DOCK5: variants seen among roughly 807,000 people sequenced by gnomAD.
DOCK5 encodes the protein dedicator of cytokinesis 5, also known as dedicator of cytokinesis protein 5.
DOCK5 carries 142 observed loss-of-function variants against 251.8 expected under a neutral mutation model. The ratio of observed to expected loss-of-function variants is 0.56; its 90% CI spans 0.49 to 0.65. DOCK5 has a LOEUF of 0.65. Among genes scored for constraint, DOCK5 ranks in the 30% least tolerant of loss-of-function variants. The probability of loss-of-function intolerance (pLI) is 0.00; values close to 1 mark genes in which losing one functional copy is unlikely to be tolerated. For missense variants in DOCK5, 2,111 were observed against 2,312.3 expected (o/e 0.91, Z 1.79); for synonymous variants, 842 against 835.5 (o/e 1.01, Z -0.13).
intron 26 of DOCK5, among the ~76,000 whole-genome samples, chr8:25,350,287 C>T (rs116555508): frequency 0.013 from 2,017 of 151,992 alleles, 49 homozygotes; most frequent in African/African-American, 0.046. Flanking sequence ...AAGCATTAAG[C>T]AGGAGTTTCA....
intron 47 of DOCK5, among the ~76,000 whole-genome samples, chr8:25,403,030 C>T (rs535724371): frequency 2.6e-5 from 4 of 152,258 alleles, no homozygotes; most frequent in African/African-American, 9.6e-5. Context: ...ATTTAATGAG[C>T]TTAGTCATTA....
At chr8:25,230,291 A>G (rs1318609750) in intron 1 of DOCK5, among the ~76,000 whole-genome samples, 1 of 152,144 alleles carries the variant, frequency 6.6e-6, no homozygotes, top group Non-Finnish European at 1.5e-5. Flanking sequence ...ACAAACACAC[A>G]TTCTTGGGCT....
At chr8:25,339,239 C>T (rs1805890165) in intron 22 of DOCK5, among the ~76,000 whole-genome samples, 2 of 152,244 alleles carry the variant, frequency 1.3e-5, no homozygotes, top group South Asian at 4.1e-4. Flanking sequence ...GGCTGGATTT[C>T]ACCTCAATCA....
At chr8:25,240,219 T>C (rs961178138) in intron 1 of DOCK5, among the ~76,000 whole-genome samples, 1 of 152,060 alleles carries the variant, frequency 6.6e-6, no homozygotes, top group African/African-American at 2.4e-5. Context: ...GGAGTTCTTT[T>C]TTCCTGGAAA....
In DOCK5 at chr8:25,403,592, C is replaced by T. The variant is rs144175383; in HGVS notation, c.4961C>T (p.Thr1654Met). ...TTGACGGAGAGGAAGCAAAGCCGCACGGGGTCTATTGTGCTCCCCTACATC... is the reference window on the plus strand; with the variant it reads ...TTGACGGAGAGGAAGCAAAGCCGCATGGGGTCTATTGTGCTCCCCTACATC... Reference protein sequence around the residue: ...PNLTERKQSRTGSIVLPYIMS... With the variant: ...PNLTERKQSRMGSIVLPYIMS... Residue 1654 changes from threonine to methionine, a missense_variant, in exon 48 of 52, where the codon ACG becomes ATG. Physicochemically the swap from Thr to Met is moderately conservative, Grantham distance 81. This residue lies in a region of DOCK5 where 1,717 missense variants were observed against 1,892.4 expected (regional missense o/e 0.91). Coordinates refer to ENST00000276440, the MANE Select transcript of DOCK5 (RefSeq NM_024940.8). The T allele has an allele frequency of 7.6e-5, 123 of 1,613,860 alleles. No homozygotes were observed. The highest frequency in any genetic ancestry group is 7.6e-4 in the African/African-American group (57 of 75,002).
At chr8:25,257,442 G>A (rs1294619872) in intron 2 of DOCK5, among the ~76,000 whole-genome samples, 2 of 152,156 alleles carry the variant, frequency 1.3e-5, no homozygotes, top group Non-Finnish European at 2.9e-5. Context: ...CTAGTATATT[G>A]TTCTTTCCAC....
intron 50 of DOCK5, chr8:25,409,846 A>G (rs1801588274): frequency 6.5e-6 from 2 of 307,742 alleles, no homozygotes; most frequent in Admixed American, 4.8e-5. Flanking sequence ...ACTCCATCTC[A>G]AAAAAACAAA....
intron 1 of DOCK5, among the ~76,000 whole-genome samples, chr8:25,225,755 C>T (rs1421340571): frequency 1.3e-5 from 2 of 149,922 alleles, no homozygotes; most frequent in East Asian, 3.9e-4. Flanking sequence ...CATGGATGAA[C>T]CTTGAGGACG....
chr8:25,299,348 T>C, intron 8 of DOCK5: 1 of 424,710 alleles, frequency 2.4e-6, no homozygotes, highest in East Asian at 4.1e-5. Context: ...GGCTTGGAGA[T>C]GGGAACAAAG....
intron 2 of DOCK5, among the ~76,000 whole-genome samples, chr8:25,249,091 T>G (rs1240825873): frequency 6.6e-6 from 1 of 152,190 alleles, no homozygotes; most frequent in African/African-American, 2.4e-5. Context: ...CTTGGCCTTT[T>G]GGACTCAACG....
At chr8:25,405,266 T>C (rs927712232) in intron 48 of DOCK5, among the ~76,000 whole-genome samples, 2 of 151,892 alleles carry the variant, frequency 1.3e-5, no homozygotes, top group African/African-American at 2.4e-5. Context: ...ACAAAAAAGG[T>C]ACTTTTTTTT....
chr8:25,240,293 C>A (rs1327710265), intron 1 of DOCK5, among the ~76,000 whole-genome samples: 10 of 148,658 alleles, frequency 6.7e-5, no homozygotes, highest in East Asian at 3.9e-4. Flanking sequence ...AAAAAAAAAA[C>A]CAGCTTCCGT....
At chr8:25,373,218 T>C (rs1223556585) in intron 35 of DOCK5, among the ~76,000 whole-genome samples, 1 of 152,114 alleles carries the variant, frequency 6.6e-6, no homozygotes, top group Non-Finnish European at 1.5e-5. Flanking sequence ...CAGGATGGTC[T>C]CGATCTCCTG....
chr8:25,306,432 C>A (rs1281295952), intron 11 of DOCK5, among the ~76,000 whole-genome samples: 1 of 152,050 alleles, frequency 6.6e-6, no homozygotes, highest in Non-Finnish European at 1.5e-5. Context: ...TAGGTCCGGG[C>A]GCATAGGCTT....
At chr8:25,353,787 G>T (rs758748892) in intron 27 of DOCK5, among the ~76,000 whole-genome samples, 49 of 152,028 alleles carry the variant, frequency 3.2e-4, no homozygotes, top group Admixed American at 7.9e-4. Flanking sequence ...ACTTTGGAAG[G>T]CTGAGGCGGG....
At chr8:25,308,693 A>G (rs991832056) in intron 11 of DOCK5, 90 bp from the exon 12 acceptor site, 19 of 1,413,184 alleles carry the variant, frequency 1.3e-5, no homozygotes, top group Non-Finnish European at 1.7e-5. Context: ...TCTCCAAATT[A>G]TTCCTATATG....
At chr8:25,196,619 A>G (rs775961178) in intron 1 of DOCK5, among the ~76,000 whole-genome samples, 1 of 152,214 alleles carries the variant, frequency 6.6e-6, no homozygotes, top group Non-Finnish European at 1.5e-5. Context: ...GAAAATATAA[A>G]TTAATTTGTG....
At chr8:25,376,612 A>ATTT (rs911501462) in intron 37 of DOCK5, 6 of 157,314 alleles carry the variant, frequency 3.8e-5, no homozygotes, top group Non-Finnish European at 8.3e-5. Flanking sequence ...TTAAAAATTA[A>ATTT]TTTAGTGAGA....
intron 45 of DOCK5, 47 bp downstream of exon 45, chr8:25,395,766 CTG>C: frequency 6.3e-7 from 1 of 1,581,666 alleles, no homozygotes; most frequent in Non-Finnish European, 8.6e-7. Flanking sequence ...ACCTGGGTGT[CTG>C]TGTGCCTCCC....
Sources: gnomAD v4.1 joint callset for allele counts (sites outside exome capture counted in the v4.1 genomes callset) on GRCh38, gnomAD v4.1.1 for gene constraint, gnomAD v4.1.1 regional missense constraint, MANE v1.5 for transcripts, NCBI Gene and HGNC (gene_info 2026-07-23, HGNC 2026-07-21) for gene names.